FKBP11: variants seen among roughly 807,000 people sequenced by gnomAD.
FKBP11 encodes FKBP prolyl isomerase 11.
FKBP11 carries 21 observed loss-of-function variants against 24.7 expected under a neutral mutation model. The observed-to-expected ratio is 0.85, with a 90% confidence interval of 0.60 to 1.23. The LOEUF is 1.23. FKBP11 is among the 50% of genes most tolerant of loss of function. The pLI, the probability that FKBP11 is intolerant of heterozygous loss-of-function variation, is 0.00. For missense variants in FKBP11, 245 were observed against 248.7 expected, an observed-to-expected ratio of 0.99 and a Z score of 0.10; for synonymous variants, 106 against 100.6, an observed-to-expected ratio of 1.05 and a Z score of -0.32.
rs893489264 is a variant in FKBP11, at chr12:48,922,897, C to A, written c.389-696G>T. The A allele has an allele frequency of 8.4e-6, 9 of 1,067,094 alleles. No homozygotes were observed. The African/African-American group carries it at 1.4e-4, about 16-fold the overall frequency. The allele number at this position is 1,067,094 out of a possible 1,614,324, so 66.1% of individuals were successfully genotyped here. A position where few individuals can be genotyped will look rare whatever the true frequency, so the allele number is the denominator to read the frequency against. On this transcript the variant is annotated intron_variant, in intron 5 of 5. Coordinates refer to ENST00000550765, the MANE Select transcript of FKBP11 (RefSeq NM_016594.3). The stretch of plus-strand genomic sequence containing the variant: ...GGCGCGGTGGCTCATGCCTGTAATC[C>A]CCGCACTTTGGGAAGCCAAGGCAGG...
At chr12:48,924,843 T>C (rs1463847653) in intron 2 of FKBP11, 195 bp from the exon 3 acceptor site, 1 of 1,444,204 alleles carries the variant, frequency 6.9e-7, no homozygotes. Context: ...CACTTCTCCG[T>C]GCCAGGTAGG....
chr12:48,928,684 G>A (rs964875129), upstream of FKBP11, among the ~76,000 whole-genome samples: 24 of 152,086 alleles, frequency 1.6e-4, no homozygotes, highest in Non-Finnish European at 2.4e-4. Flanking sequence ...TCACCATGTC[G>A]GCCAGGCCGG....
upstream of FKBP11, among the ~76,000 whole-genome samples, chr12:48,929,112 C>T (rs1463131352): frequency 6.6e-6 from 1 of 151,480 alleles, no homozygotes; most frequent in African/African-American, 2.4e-5. Flanking sequence ...CAGGCGTGAG[C>T]CACCGCGCCC....
the FKBP11 span, among the ~76,000 whole-genome samples, chr12:48,935,200 G>T: frequency 3.9e-5 from 6 of 152,082 alleles, 1 homozygote; most frequent in Admixed American, 2.6e-4. Flanking sequence ...TGTCTGGTTG[G>T]AGTAGTTTGA....
chr12:48,937,608 G>A, the FKBP11 span: 6,520 of 152,500 alleles, frequency 0.043, 211 homozygotes, highest in Non-Finnish European at 0.061. Flanking sequence ...AGGATGGCAG[G>A]GGCATGGAGG....
upstream of FKBP11, among the ~76,000 whole-genome samples, chr12:48,931,128 TAAAAAAAAAAAA>T (rs35482677): frequency 4.1e-3 from 150 of 36,216 alleles, no homozygotes; most frequent in African/African-American, 0.016. Context: ...GACTCCAGCT[TAAAAAAAAAAAA>T]AAAAAAAAAA....
the FKBP11 span, among the ~76,000 whole-genome samples, chr12:48,934,398 A>T: frequency 1.1e-4 from 17 of 152,266 alleles, no homozygotes; most frequent in African/African-American, 4.1e-4. Flanking sequence ...GACTGATGCT[A>T]TGCATGTTCT....
At position 48,924,237 on chromosome 12, in the gene FKBP11, G is replaced by A. The variant is rs777538308; in HGVS notation, c.303C>T (p.Leu101=). 5.0e-6 allele frequency: 8 copies of A among 1,614,010 alleles called. No homozygotes were observed. In the East Asian group the frequency reaches 6.7e-5, roughly 13 times the overall value. The part of the protein sequence containing the change: ...QVIPGLEQSL[L]DMCVGEKRRA... ...GAGATACTCACCCCACACACATGTC[G>A]AGAAGACTCTGCTCCAGACCTTGAA... Residue 101 remains leucine, a synonymous_variant, in exon 4 of 6, where the codon CTC becomes CTT. Coordinates refer to ENST00000550765, the MANE Select transcript of FKBP11 (RefSeq NM_016594.3).
At chr12:48,928,693 G>T (rs1028111178), upstream of FKBP11, among the ~76,000 whole-genome samples, 4 of 152,030 alleles carry the variant, frequency 2.6e-5, no homozygotes, top group East Asian at 7.8e-4. Context: ...CGGCCAGGCC[G>T]GTGTTGAACT....
At chr12:48,925,719 A>C, upstream of FKBP11, 1 of 453,292 alleles carries the variant, frequency 2.2e-6, no homozygotes, top group Non-Finnish European at 4.0e-6. Context: ...CCCATTTACG[A>C]TTACCTACTG....
the FKBP11 span, among the ~76,000 whole-genome samples, chr12:48,932,263 T>TATATATATA: frequency 8.0e-5 from 2 of 25,070 alleles, no homozygotes; most frequent in Non-Finnish European, 1.3e-4. Context: ...ATATATATAT[T>TATATATATA]TTTTTTTTTT....
the FKBP11 span, chr12:48,938,845 G>A: frequency 6.9e-7 from 1 of 1,458,260 alleles, no homozygotes; most frequent in Admixed American, 2.1e-5. Flanking sequence ...GATACCCAGG[G>A]CCCTGGCCAC....
At chr12:48,927,143 T>G (rs896459311), upstream of FKBP11, among the ~76,000 whole-genome samples, 3 of 152,202 alleles carry the variant, frequency 2.0e-5, no homozygotes, top group Admixed American at 6.5e-5. Context: ...CCAATCCACC[T>G]GCAACAACCT....
chr12:48,925,324 G>A lies in FKBP11; in HGVS notation c.105C>T (p.Val35=), dbSNP rs766687910. 6.2e-7 allele frequency: 1 copy of A among 1,611,564 alleles called. No individual in the cohort carries two copies. Among genetic ancestry groups the A allele is most frequent in the Admixed American group, 1.7e-5 (1 of 59,718 alleles). The part of the protein sequence containing the change: ...AEAGLETESP[V]RTLQVETLVE... ...CCAGGGTCTCCACTTGGAGGGTCCG[G>A]ACGGGACTTTCGGTTTCGAGCCCAG... The change falls in exon 1 of 6, where the codon GTC becomes GTT. Residue 35 remains valine (V), a synonymous_variant. Transcript: ENST00000550765.
At chr12:48,935,062 T>A in the FKBP11 span, among the ~76,000 whole-genome samples, 1 of 148,350 alleles carries the variant, frequency 6.7e-6, no homozygotes, top group African/African-American at 2.5e-5. Flanking sequence ...AGAAAACACT[T>A]GGGAAAGATA....
At chr12:48,924,058 GC>G in intron 4 of FKBP11, 164 bp downstream of exon 4, 1 of 902,514 alleles carries the variant, frequency 1.1e-6, no homozygotes, top group Non-Finnish European at 1.8e-6. Flanking sequence ...AGCGCAAGAG[GC>G]ACAGAGGCTT....
chr12:48,936,116 T>A, the FKBP11 span: 1 of 152,326 alleles, frequency 6.6e-6, no homozygotes, highest in Non-Finnish European at 1.5e-5. Context: ...GAAGGAGCAC[T>A]ATGGAGAGAG....
Position 48,925,100 on chromosome 12 carries a change from T to TG in FKBP11, c.140dup (p.Glu48ArgfsTer28), listed in dbSNP as rs1166358809. ...AAGCAGCGGGCTCGGCACATGGTTC[T>TG]GGGGGCTCCACCTACGATCGGACTA... On this transcript the variant is annotated frameshift_variant, in exon 2 of 6. Coordinates refer to ENST00000550765, the MANE Select transcript of FKBP11 (RefSeq NM_016594.3). LOFTEE classifies it high-confidence loss of function. The TG allele has an allele frequency of 2.5e-6, 4 of 1,613,408 alleles. No individual in the cohort carries two copies. The highest frequency in any genetic ancestry group is 1.3e-5 in the African/African-American group (1 of 74,954).
At chr12:48,926,131 G>A (rs191848365), upstream of FKBP11, 1 of 151,666 alleles carries the variant, frequency 6.6e-6, no homozygotes, top group Admixed American at 6.6e-5. Flanking sequence ...GTAAATCCCT[G>A]ATCTTTTCCT....
Sources: gnomAD v4.1 joint callset for allele counts (sites outside exome capture counted in the v4.1 genomes callset) on GRCh38, gnomAD v4.1.1 for gene constraint, MANE v1.5 for transcripts, NCBI Gene and HGNC (gene_info 2026-07-23, HGNC 2026-07-21) for gene names.